Variants in PLCB4 observed in about 807,000 individuals in gnomAD.
PLCB4 encodes the protein 1-phosphatidylinositol 4,5-bisphosphate phosphodiesterase beta-4.
Under a neutral mutation model 178.8 loss-of-function variants are expected in PLCB4, and 77 were observed. That is an observed-to-expected ratio of 0.43 (90% CI 0.36 to 0.52). The LOEUF (loss-of-function observed/expected upper bound fraction) is 0.52, where lower values mean the gene tolerates loss of function less well. PLCB4 is among the 20% of genes least tolerant of loss of function. The pLI is 0.00. For synonymous variants in PLCB4, 496 were observed against 490.8 expected, an observed-to-expected ratio of 1.01 and a Z score of -0.14; for missense variants, 1,024 against 1,453.4, an observed-to-expected ratio of 0.70 and a Z score of 4.80.
intron 39 of PLCB4, among the ~76,000 whole-genome samples, chr20:9,477,505 T>G (rs1264141696): frequency 6.6e-6 from 1 of 152,174 alleles, no homozygotes; most frequent in African/African-American, 2.4e-5. Flanking sequence ...AGAGAATCAT[T>G]TGCTACTATT....
chr20:9,097,232 C>CTTTTTTTTTTTTTT (rs544568591), intron 2 of PLCB4, among the ~76,000 whole-genome samples: 1 of 81,076 alleles, frequency 1.2e-5, no homozygotes, highest in Non-Finnish European at 2.4e-5. Context: ...ACAGCCTGGC[C>CTTTTTTTTTTTTTT]TTTTTTTTTT....
intron 12 of PLCB4, among the ~76,000 whole-genome samples, chr20:9,374,595 C>T (rs188705643): frequency 1.8e-4 from 27 of 152,102 alleles, no homozygotes; most frequent in Non-Finnish European, 1.8e-4. Flanking sequence ...TTGCCACTTC[C>T]AAGACAAGGC....
intron 2 of PLCB4, among the ~76,000 whole-genome samples, chr20:9,159,522 A>AC (rs1209627093): frequency 2.8e-4 from 42 of 152,204 alleles, no homozygotes; most frequent in Non-Finnish European, 5.1e-4. Flanking sequence ...TTTAAAAGCA[A>AC]TTCATGAACA....
rs577430285 is a variant in PLCB4 at position 9,290,797 on chromosome 20, T to C, written c.-15-17003T>C. ...GGATATATATGGTTATTAAATAACA[T>C]TTATATTTCATAGGAGCTCAAATAA... is the stretch of plus-strand genomic sequence containing the variant. On this transcript the variant is annotated intron_variant, in intron 3 of 39. Transcript: ENST00000378473. Among the ~76,000 whole-genome samples the C allele has an allele frequency of 4.6e-5, 7 of 152,308 alleles. No homozygotes were observed. In the East Asian group the frequency reaches 1.2e-3, roughly 25 times the overall value.
intron 35 of PLCB4, among the ~76,000 whole-genome samples, chr20:9,461,473 A>G (rs2043387194): frequency 6.6e-6 from 1 of 152,228 alleles, no homozygotes; most frequent in Non-Finnish European, 1.5e-5. Flanking sequence ...CCCAGGAAGC[A>G]CAAGGGGTCA....
chr20:9,399,380 C>T (rs181100208), intron 19 of PLCB4, among the ~76,000 whole-genome samples: 20 of 152,290 alleles, frequency 1.3e-4, no homozygotes, highest in Admixed American at 1.1e-3. Flanking sequence ...GTCAACTAGT[C>T]GGCTATAATT....
chr20:9,100,526 T>C (rs546750078), intron 2 of PLCB4, among the ~76,000 whole-genome samples: 1 of 152,240 alleles, frequency 6.6e-6, no homozygotes, highest in South Asian at 2.1e-4. Context: ...AAGGAAGATA[T>C]GCTGACTTGT....
At chr20:9,271,493 A>G (rs181082071) in intron 3 of PLCB4, among the ~76,000 whole-genome samples, 26 of 152,252 alleles carry the variant, frequency 1.7e-4, no homozygotes, top group Admixed American at 1.3e-3. Flanking sequence ...TTATGCTTAC[A>G]ACCATTTTGC....
At chr20:9,298,422 G>A (rs1358704536) in intron 3 of PLCB4, among the ~76,000 whole-genome samples, 2 of 152,028 alleles carry the variant, frequency 1.3e-5, no homozygotes, top group Non-Finnish European at 2.9e-5. Context: ...GATGGATGAG[G>A]AAAGATATTA....
intron 7 of PLCB4, among the ~76,000 whole-genome samples, chr20:9,342,125 A>G (rs569504912): frequency 1.3e-5 from 2 of 152,218 alleles, no homozygotes; most frequent in Admixed American, 6.5e-5. Flanking sequence ...TAAAATAACC[A>G]TATTTACCAC....
At chr20:9,412,880 C>A (rs1449716418) in intron 25 of PLCB4, among the ~76,000 whole-genome samples, 2 of 152,202 alleles carry the variant, frequency 1.3e-5, no homozygotes, top group Non-Finnish European at 2.9e-5. Context: ...CTCCCTACCC[C>A]TTTGAATAAA....
chr20:9,278,216 A>T (rs982683329), intron 3 of PLCB4, among the ~76,000 whole-genome samples: 27 of 152,086 alleles, frequency 1.8e-4, no homozygotes, highest in African/African-American at 6.0e-4. Flanking sequence ...ACTTTAATAC[A>T]TGTCAGTAAC....
chr20:9,139,191 T>A (rs1391164204), intron 2 of PLCB4, among the ~76,000 whole-genome samples: 2 of 152,128 alleles, frequency 1.3e-5, no homozygotes, highest in Admixed American at 1.3e-4. Flanking sequence ...CTAACCATGT[T>A]CTATCTATAT....
At chr20:9,262,421 A>G (rs1050310854) in intron 3 of PLCB4, among the ~76,000 whole-genome samples, 1 of 152,106 alleles carries the variant, frequency 6.6e-6, no homozygotes, top group African/African-American at 2.4e-5. Context: ...CTTGTCTCCC[A>G]TGGGTTGGGA....
chr20:9,419,758 T>C, intron 25 of PLCB4, 49 bp from the exon 26 acceptor site: 4 of 1,123,568 alleles, frequency 3.6e-6, no homozygotes, highest in Non-Finnish European at 5.5e-6. Flanking sequence ...GCGAGTGTTT[T>C]AGTCTTTGTA....
chr20:9,473,384 G>C lies in PLCB4; in HGVS notation c.3495+19G>C. The C allele has an allele frequency of 2.1e-6, 3 of 1,410,008 alleles. No individual in the cohort carries two copies. Among genetic ancestry groups the C allele is most frequent in the Non-Finnish European group, 3.0e-6 (3 of 1,004,044 alleles). The allele number at this position is 1,410,008 out of a possible 1,614,324, so 87.3% of individuals were successfully genotyped here. A position where few individuals can be genotyped will look rare whatever the true frequency, so the allele number is the denominator to read the frequency against. On this transcript the variant is annotated intron_variant, in intron 38 of 39. Coordinates refer to ENST00000378473, the MANE Select transcript of PLCB4 (RefSeq NM_001377142.1). ...TGAGCAGGTATTTTACCTAAAATAC[G>C]TAAAAACATGCAGGCAGCTAGCCAG...
intron 2 of PLCB4, among the ~76,000 whole-genome samples, chr20:9,146,638 G>A (rs1221661521): frequency 6.6e-6 from 1 of 152,098 alleles, no homozygotes; most frequent in Non-Finnish European, 1.5e-5. Context: ...TGGTTAAAGT[G>A]GAAAGTCCCT....
chr20:9,293,978 A>T (rs1023394655), intron 3 of PLCB4, among the ~76,000 whole-genome samples: 1 of 152,080 alleles, frequency 6.6e-6, no homozygotes, highest in Admixed American at 6.6e-5. Context: ...CAGAGAGGAG[A>T]ATGTAAAAGG....
At chr20:9,376,606 A>G (rs1006418341) in intron 12 of PLCB4, among the ~76,000 whole-genome samples, 1 of 152,186 alleles carries the variant, frequency 6.6e-6, no homozygotes, top group South Asian at 2.1e-4. Flanking sequence ...TACTGGCTCA[A>G]TTGCTTGTAT....
Sources: gnomAD v4.1 joint callset for allele counts (sites outside exome capture counted in the v4.1 genomes callset) on GRCh38, gnomAD v4.1.1 for gene constraint, MANE v1.5 for transcripts, NCBI Gene and HGNC (gene_info 2026-07-23, HGNC 2026-07-21) for gene names.